Variants in CADPS2 observed in about 807,000 individuals in gnomAD.
The protein encoded by CADPS2 is calcium dependent secretion activator 2.
Under a neutral mutation model 172.5 loss-of-function variants are expected in CADPS2, and 93 were observed. The ratio of observed to expected loss-of-function variants is 0.54; its 90% CI spans 0.46 to 0.64. The LOEUF (loss-of-function observed/expected upper bound fraction) is 0.64, where lower values mean the gene tolerates loss of function less well. Among genes scored for constraint, CADPS2 ranks in the 30% least tolerant of loss-of-function variants. CADPS2 has a pLI of 0.00. For synonymous variants in CADPS2, 546 were observed against 555.2 expected (o/e 0.98, Z 0.23); for missense variants, 1,420 against 1,565.9 (o/e 0.91, Z 1.57).
chr7:122,615,254 G>A lies in CADPS2; in HGVS notation c.1150C>T (p.Arg384Ter). The A allele has an allele frequency of 2.6e-6, 4 of 1,556,242 alleles. No individual in the cohort carries two copies. Among genetic ancestry groups the A allele is most frequent in the South Asian group, 1.2e-5 (1 of 84,192 alleles). Residue 384 changes from arginine (R) to a stop codon, truncating the protein, a stop_gained, in exon 6 of 30, where the codon CGA becomes TGA. Coordinates refer to ENST00000449022, the MANE Select transcript of CADPS2 (RefSeq NM_017954.11). LOFTEE classifies it high-confidence loss of function. ...VQGLKSVAPN[R>*]IVYCTMEVEG... is the part of the protein sequence containing the mutation. ...ACTTCCATTGTACAGTAAACAATTCGATTGGGAGCAACTGACTTCAGGCCT... is the reference window on the plus strand; with the variant it reads ...ACTTCCATTGTACAGTAAACAATTCAATTGGGAGCAACTGACTTCAGGCCT...
chr7:122,458,581 C>G lies in CADPS2; in HGVS notation c.2187-7106G>C, dbSNP rs528099290. Reference sequence around the variant, plus strand: ...TCTTATCTTTTTGCAAACACTCCCCCCTTCCTTGTCTGGATTTTGCACTGC... The same window carrying G: ...TCTTATCTTTTTGCAAACACTCCCCGCTTCCTTGTCTGGATTTTGCACTGC... On this transcript the variant is annotated intron_variant, in intron 14 of 29. Transcript: ENST00000449022. Among the ~76,000 whole-genome samples the G allele has an allele frequency of 4.4e-4, 67 of 152,256 alleles. No individual in the cohort carries two copies. In the South Asian group the frequency reaches 0.01, roughly 24 times the overall value.
chr7:122,645,223 T>A (rs2078176740), intron 3 of CADPS2, among the ~76,000 whole-genome samples: 1 of 66,742 alleles, frequency 1.5e-5, no homozygotes, highest in Non-Finnish European at 2.8e-5. Context: ...AGTATATATA[T>A]ACGCTAAGTA....
chr7:122,749,775 G>T (rs1588968066), intron 1 of CADPS2, among the ~76,000 whole-genome samples: 1 of 151,784 alleles, frequency 6.6e-6, no homozygotes, highest in East Asian at 1.9e-4. Flanking sequence ...CAAATTCAAG[G>T]ATTTGTGAGG....
chr7:122,631,774 G>A (rs979882700), intron 3 of CADPS2, among the ~76,000 whole-genome samples: 3 of 151,874 alleles, frequency 2.0e-5, no homozygotes, highest in African/African-American at 7.3e-5. Context: ...TGAGGTTGAG[G>A]TTGGGGATAT....
intron 3 of CADPS2, among the ~76,000 whole-genome samples, chr7:122,632,730 C>A (rs34731459): frequency 7.9e-5 from 12 of 152,074 alleles, no homozygotes; most frequent in Non-Finnish European, 1.6e-4. Context: ...TTTGTTTTCA[C>A]TGTAATTGCT....
Position 122,341,372 on chromosome 7 carries a change from A to G in CADPS2, c.3612+4202T>C, listed in dbSNP as rs144309961. On this transcript the variant is annotated intron_variant, in intron 28 of 29. Coordinates refer to ENST00000449022, the MANE Select transcript of CADPS2 (RefSeq NM_017954.11). ...AGTAATTTCGGTCATCATTGCTAAC[A>G]TTAAAACTAAAAAAAAAATTGGTTT... Among the ~76,000 whole-genome samples, 1,074 of 152,302 alleles carry G rather than the reference A, an allele frequency of 7.1e-3. 8 individuals are homozygous for G. The highest frequency in any genetic ancestry group is 0.023 in the African/African-American group (945 of 41,562).
intron 1 of CADPS2, among the ~76,000 whole-genome samples, chr7:122,814,450 T>C (rs1304167289): frequency 1.3e-5 from 2 of 152,098 alleles, no homozygotes; most frequent in South Asian, 2.1e-4. Flanking sequence ...GTCAGCAAAC[T>C]GGTTTTGTGT....
intron 7 of CADPS2, among the ~76,000 whole-genome samples, chr7:122,573,640 T>G (rs1185151024): frequency 6.6e-6 from 1 of 152,144 alleles, no homozygotes; most frequent in Non-Finnish European, 1.5e-5. Context: ...ATCATTTTGG[T>G]AAAATACCCA....
chr7:122,479,475 T>C (rs1170385233), intron 12 of CADPS2, among the ~76,000 whole-genome samples: 2 of 152,212 alleles, frequency 1.3e-5, no homozygotes, highest in Non-Finnish European at 2.9e-5. Flanking sequence ...TCAGCCTGAA[T>C]AGTATGTCCA....
intron 19 of CADPS2, among the ~76,000 whole-genome samples, chr7:122,409,926 T>C (rs2047100255): frequency 6.6e-6 from 1 of 152,166 alleles, no homozygotes; most frequent in Non-Finnish European, 1.5e-5. Flanking sequence ...GGGTTAAAGT[T>C]CTTTTGGCTT....
chr7:122,409,684 T>C (rs1160141344), intron 19 of CADPS2: 9 of 469,176 alleles, frequency 1.9e-5, no homozygotes, highest in South Asian at 1.4e-4. Context: ...AAAGCAACAG[T>C]TGCAGTTATC....
intron 1 of CADPS2, among the ~76,000 whole-genome samples, chr7:122,801,958 T>C (rs1797753146): frequency 6.6e-6 from 1 of 151,896 alleles, no homozygotes. Context: ...AAAATCAACA[T>C]TCAAATAATT....
chr7:122,445,541 G>A lies in CADPS2; in HGVS notation c.2289-3966C>T, dbSNP rs1024160576. ...TTAATATTTATATATTTATCACAGGGTGTGGTGGCTCATGCCTGTAATCCC... is the reference window on the plus strand; with the variant it reads ...TTAATATTTATATATTTATCACAGGATGTGGTGGCTCATGCCTGTAATCCC... On this transcript the variant is annotated intron_variant, in intron 15 of 29. Transcript: ENST00000449022. Among the ~76,000 whole-genome samples, 46 of 152,236 alleles carry A rather than the reference G, an allele frequency of 3.0e-4. 1 individual carries two copies. Among genetic ancestry groups the A allele is most frequent in the Middle Eastern group, 3.4e-3 (1 of 294 alleles).
chr7:122,431,995 G>A (rs1282809245), intron 17 of CADPS2, among the ~76,000 whole-genome samples: 1 of 152,146 alleles, frequency 6.6e-6, no homozygotes, highest in African/African-American at 2.4e-5. Flanking sequence ...GCTTAGAATA[G>A]TGCCTGGTAT....
At chr7:122,622,956 C>A (rs2075746326) in intron 4 of CADPS2, among the ~76,000 whole-genome samples, 1 of 152,212 alleles carries the variant, frequency 6.6e-6, no homozygotes, top group Non-Finnish European at 1.5e-5. Context: ...CACCACTTCA[C>A]AGATCAGTCC....
At chr7:122,551,814 G>T (rs931784470) in intron 8 of CADPS2, among the ~76,000 whole-genome samples, 11 of 152,072 alleles carry the variant, frequency 7.2e-5, no homozygotes, top group Admixed American at 7.2e-4. Flanking sequence ...GGCCCAAAGC[G>T]AAATGCTATT....
chr7:122,563,843 A>T (rs1040022036), intron 7 of CADPS2, among the ~76,000 whole-genome samples: 4 of 152,140 alleles, frequency 2.6e-5, no homozygotes, highest in Non-Finnish European at 5.9e-5. Context: ...AGATGTGGGT[A>T]TTTAAATTAA....
chr7:122,818,894 T>C (rs1196036615), intron 1 of CADPS2, among the ~76,000 whole-genome samples: 1 of 152,202 alleles, frequency 6.6e-6, no homozygotes, highest in African/African-American at 2.4e-5. Context: ...CCTGAGACGC[T>C]TTACAGCCCT....
At position 122,320,221 on chromosome 7, in the gene CADPS2, C is replaced by T. The variant is rs1330020724; in HGVS notation, c.3835G>A (p.Gly1279Arg). ...ATAGTAATGCCCTGAAGTCCTCCTC[C>T]TTCTGAAACAGAGGCTGTGGCCTCC... ...VEEATASVSEGGGLQGITMKD... is the reference protein window; with the variant it reads ...VEEATASVSERGGLQGITMKD... Residue 1279 changes from glycine to arginine, a missense_variant, in exon 30 of 30, where the codon GGA (glycine) becomes AGA (arginine). By Grantham distance (125) the Gly-to-Arg change is moderately radical. Transcript: ENST00000449022. 4 of 1,612,824 alleles carry T rather than the reference C, an allele frequency of 2.5e-6. No individual in the cohort carries two copies. In the East Asian group the frequency reaches 6.7e-5, roughly 27 times the overall value.
Sources: gnomAD v4.1 joint callset for allele counts (sites outside exome capture counted in the v4.1 genomes callset) on GRCh38, gnomAD v4.1.1 for gene constraint, MANE v1.5 for transcripts, NCBI Gene and HGNC (gene_info 2026-07-23, HGNC 2026-07-21) for gene names.